The following N4BP2 variants were observed in gnomAD, a reference collection of about 807,000 sequenced individuals.
The protein encoded by N4BP2 is NEDD4-binding protein 2.
Under a neutral mutation model 152.8 loss-of-function variants are expected in N4BP2, and 91 were observed. That is an observed-to-expected ratio of 0.60 (90% CI 0.50 to 0.71). The LOEUF is 0.71. N4BP2 is among the 30% of genes least tolerant of loss of function. The probability of loss-of-function intolerance (pLI) is 0.00; values close to 1 mark genes in which losing one functional copy is unlikely to be tolerated. For synonymous variants in N4BP2, 646 were observed against 705.3 expected, an observed-to-expected ratio of 0.92 and a Z score of 1.33; for missense variants, 1,923 against 2,059.1, an observed-to-expected ratio of 0.93 and a Z score of 1.28.
the N4BP2 span, among the ~76,000 whole-genome samples, chr4:40,164,305 A>T: frequency 1.3e-5 from 2 of 152,188 alleles, no homozygotes; most frequent in African/African-American, 4.8e-5. Flanking sequence ...TGAGAACTTC[A>T]GAGTTCAGAA....
At chr4:40,141,607 G>A (rs900481189) in intron 14 of N4BP2, among the ~76,000 whole-genome samples, 2 of 151,436 alleles carry the variant, frequency 1.3e-5, no homozygotes, top group Admixed American at 6.6e-5. Context: ...TCCAGACTGG[G>A]CAGCCAGGCA....
intron 5 of N4BP2, among the ~76,000 whole-genome samples, 158 bp downstream of exon 5, chr4:40,107,182 C>T (rs1336773791): frequency 6.6e-6 from 1 of 152,058 alleles, no homozygotes; most frequent in Admixed American, 6.5e-5. Context: ...TCACTGCAGC[C>T]TTGACTTCTG....
intron 16 of N4BP2, among the ~76,000 whole-genome samples, chr4:40,145,959 C>T (rs1579141108): frequency 2.0e-5 from 3 of 152,010 alleles, no homozygotes; most frequent in African/African-American, 7.2e-5. Context: ...GTCTGGAGTT[C>T]GAGACCAGCC....
the N4BP2 span, among the ~76,000 whole-genome samples, chr4:40,187,920 C>T: frequency 6.6e-6 from 1 of 151,998 alleles, no homozygotes; most frequent in African/African-American, 2.4e-5. Flanking sequence ...TTGGGCTAAC[C>T]CAGGAAATTA....
chr4:40,140,636 G>T (rs1272797812), intron 14 of N4BP2, among the ~76,000 whole-genome samples: 6 of 151,538 alleles, frequency 4.0e-5, no homozygotes, highest in African/African-American at 1.5e-4. Context: ...GTTTCTCACA[G>T]AGGGGGATTT....
Position 40,059,026 on chromosome 4 carries a change from G to T in N4BP2, c.-212+1996G>T, listed in dbSNP as rs142906134. 3.6e-3 allele frequency among the ~76,000 whole-genome samples: 542 copies of T among 152,184 alleles called. 6 individuals carry two copies. The highest frequency in any genetic ancestry group is 0.012 in the African/African-American group (513 of 41,530). On this transcript the variant is annotated intron_variant, in intron 1 of 17. Coordinates refer to ENST00000261435, the MANE Select transcript of N4BP2 (RefSeq NM_018177.6). The stretch of plus-strand genomic sequence containing the variant: ...TGTAGAGAGGAGGTTTCGCCATGTT[G>T]CCCAGGCTGGTCTCAAACCCCTGAG...
chr4:40,083,899 C>T (rs888612482), intron 2 of N4BP2, among the ~76,000 whole-genome samples: 12 of 152,176 alleles, frequency 7.9e-5, no homozygotes, highest in Admixed American at 3.9e-4. Flanking sequence ...CAATCCACGA[C>T]GCTACCTTTG....
downstream of N4BP2, among the ~76,000 whole-genome samples, chr4:40,161,157 T>G (rs1394368514): frequency 6.6e-6 from 1 of 152,202 alleles, no homozygotes; most frequent in African/African-American, 2.4e-5. Flanking sequence ...AGTCGAGAAT[T>G]GAATTGGTAG....
chr4:40,127,250 G>A (rs1180489676), intron 12 of N4BP2, among the ~76,000 whole-genome samples: 2 of 151,762 alleles, frequency 1.3e-5, no homozygotes, highest in Admixed American at 6.6e-5. Flanking sequence ...ACAGGGTCTT[G>A]CTCTGTTGCC....
chr4:40,107,118 G>C, intron 5 of N4BP2, 94 bp downstream of exon 5: 1 of 1,361,254 alleles, frequency 7.3e-7, no homozygotes, highest in Non-Finnish European at 1.0e-6. Flanking sequence ...TTTGTTTTTT[G>C]AGACAGGGTC....
chr4:40,095,637 G>A (rs2109949351), intron 2 of N4BP2, among the ~76,000 whole-genome samples: 2 of 152,252 alleles, frequency 1.3e-5, no homozygotes, highest in Middle Eastern at 3.4e-3. Flanking sequence ...AATAGAAGAT[G>A]ATAAGGGCAA....
chr4:40,169,241 G>A, the N4BP2 span, among the ~76,000 whole-genome samples: 2 of 151,820 alleles, frequency 1.3e-5, no homozygotes, highest in Non-Finnish European at 2.9e-5. Flanking sequence ...AAAAAGCCTG[G>A]CATGGTGGCA....
the N4BP2 span, among the ~76,000 whole-genome samples, chr4:40,181,785 T>TA: frequency 1.3e-5 from 2 of 152,008 alleles, no homozygotes; most frequent in African/African-American, 4.8e-5. Context: ...CCGTCTCTAC[T>TA]AAAAAATACA....
In N4BP2 at chr4:40,057,044, G is replaced by A. The variant is rs1733228354; in HGVS notation, c.-212+14G>A. ...CTCCAGAAGCAGGTAAAGGCGGCGG[G>A]TGGGAGGCAGGGAGGCGGGTCCAAG... On this transcript the variant is annotated intron_variant, in intron 1 of 17. Coordinates refer to ENST00000261435, the MANE Select transcript of N4BP2 (RefSeq NM_018177.6). 1 of 152,408 alleles carries A rather than the reference G, an allele frequency of 6.6e-6. No homozygotes were observed. The allele number at this position is 152,408 out of a possible 1,614,324, so 9.4% of individuals were successfully genotyped here.
intron 1 of N4BP2, among the ~76,000 whole-genome samples, chr4:40,063,194 C>T (rs945257580): frequency 6.6e-6 from 1 of 152,014 alleles, no homozygotes; most frequent in African/African-American, 2.4e-5. Flanking sequence ...TTTTGGTGTT[C>T]AAGTAACAGA....
At chr4:40,076,180 A>G (rs1337445674) in intron 2 of N4BP2, among the ~76,000 whole-genome samples, 1 of 152,204 alleles carries the variant, frequency 6.6e-6, no homozygotes, top group African/African-American at 2.4e-5. Context: ...CATTTTCTAT[A>G]AAAAGTATTT....
rs1733222346 is a variant in N4BP2, at chr4:40,056,996, C to G, written c.-246C>G. 2.0e-5 allele frequency: 3 copies of G among 152,260 alleles called. No homozygotes were observed. The South Asian group carries it at 6.2e-4, about 31-fold the overall frequency. The allele number at this position is 152,260 out of a possible 1,614,324, so 9.4% of individuals were successfully genotyped here. On this transcript the variant is annotated 5_prime_UTR_variant, in exon 1 of 18. Transcript: ENST00000261435. ...GCGTTGTGCGTTCGACGACGCGGCA[C>G]CGGCTTCGACGCCCTCTGCCCGCTC...
At chr4:40,126,091 C>T in intron 11 of N4BP2, 43 bp from the exon 12 acceptor site, 1 of 1,172,428 alleles carries the variant, frequency 8.5e-7, no homozygotes, top group Non-Finnish European at 1.2e-6. Context: ...TTAATTTATA[C>T]ATTTATTGTT....
intron 17 of N4BP2, 89 bp downstream of exon 17, chr4:40,152,992 TAATAGC>T: frequency 3.8e-6 from 5 of 1,317,312 alleles, no homozygotes; most frequent in Non-Finnish European, 5.4e-6. Flanking sequence ...CTGTTATTGA[TAATAGC>T]AATAGCCCTA....
Sources: gnomAD v4.1 joint callset for allele counts (sites outside exome capture counted in the v4.1 genomes callset) on GRCh38, gnomAD v4.1.1 for gene constraint, MANE v1.5 for transcripts, NCBI Gene and HGNC (gene_info 2026-07-23, HGNC 2026-07-21) for gene names.